CEP104: variants seen among roughly 807,000 people sequenced by gnomAD.
The protein encoded by CEP104 is centrosomal protein 104, also known as centrosomal protein of 104 kDa.
A neutral mutation model predicts 113.3 loss-of-function variants in CEP104; 84 were observed. The observed-to-expected ratio is 0.74, with a 90% CI of 0.62 to 0.89. CEP104 has a LOEUF of 0.89. Ranked by LOEUF, CEP104 falls within the 40% of genes least tolerant of loss-of-function variation. The pLI, the probability that CEP104 is intolerant of heterozygous loss-of-function variation, is 0.00. For missense variants in CEP104, 1,053 were observed against 1,156.6 expected, an observed-to-expected ratio of 0.91 and a Z score of 1.30; for synonymous variants, 378 against 421.7, an observed-to-expected ratio of 0.90 and a Z score of 1.27.
intron 4 of CEP104, among the ~76,000 whole-genome samples, chr1:3,846,284 T>C (rs542104828): frequency 6.6e-6 from 1 of 152,210 alleles, no homozygotes; most frequent in African/African-American, 2.4e-5. Context: ...GGAGTCACTT[T>C]TCCATCCTGC....
Position 3,829,823 on chromosome 1 carries a change from T to C in CEP104, c.2011A>G (p.Ile671Val), listed in dbSNP as rs1644165063. 18 of 1,614,214 alleles carry C rather than the reference T, an allele frequency of 1.1e-5. No homozygotes were observed. The highest frequency in any genetic ancestry group is 1.5e-5 in the Non-Finnish European group (18 of 1,180,030). Residue 671 changes from isoleucine (I) to valine (V), a missense_variant, in exon 14 of 22, where the codon ATA (isoleucine) becomes GTA (valine). Coordinates refer to ENST00000378230, the MANE Select transcript of CEP104 (RefSeq NM_014704.4). ...YKTIFEGFAK[I>V]DGRATDAEMR... ...TCAGCATCTGTAGCTCTGCCATCTATTTTAGCAAATCCCTCAAAAATTGTT... is the reference window on the plus strand; with the variant it reads ...TCAGCATCTGTAGCTCTGCCATCTACTTTAGCAAATCCCTCAAAAATTGTT...
rs138334002 is a variant in CEP104, at chr1:3,819,685, C to G, written c.2572-3315G>C. Among the ~76,000 whole-genome samples, 1 of 152,192 alleles carries G rather than the reference C, an allele frequency of 6.6e-6. No homozygotes were observed. The highest frequency in any genetic ancestry group is 2.4e-5 in the African/African-American group (1 of 41,454). On this transcript the variant is annotated intron_variant, in intron 20 of 21. Transcript: ENST00000378230. This position sits in a 1 kb window ranked among gnomAD's most constrained non-coding sequence, Gnocchi z 4.6. Reference sequence around the variant, plus strand: ...ACACTGGACAAAGCCCAGTGACCCACAGAAGATTGAGCAGTCTTCACACTC... The same window carrying G: ...ACACTGGACAAAGCCCAGTGACCCAGAGAAGATTGAGCAGTCTTCACACTC...
chr1:3,830,849 A>T (rs1467658170), intron 13 of CEP104, among the ~76,000 whole-genome samples, 197 bp downstream of exon 13: 1 of 151,954 alleles, frequency 6.6e-6, no homozygotes, highest in Non-Finnish European at 1.5e-5. Flanking sequence ...AGATCTGCAC[A>T]CACCATGCAC....
rs547651724 is a variant in CEP104, at chr1:3,841,360, C to T, written c.567-1584G>A. On this transcript the variant is annotated intron_variant, in intron 6 of 21. Transcript: ENST00000378230. ...CAGCACCACAGGCTGGCGGCTGGGA[C>T]GGCACCAGCAGCTCTGAACTGTGTC... is the stretch of plus-strand genomic sequence containing the variant. Among the ~76,000 whole-genome samples the T allele has an allele frequency of 4.7e-4, 72 of 152,252 alleles. 1 individual carries two copies. Among genetic ancestry groups the T allele is most frequent in the South Asian group, 2.1e-4 (1 of 4,824 alleles).
At chr1:3,852,199 G>A in intron 2 of CEP104, 96 bp downstream of exon 2, 1 of 1,216,730 alleles carries the variant, frequency 8.2e-7, no homozygotes, top group Non-Finnish European at 1.1e-6. Context: ...CCGAGTGATA[G>A]TAAAATCTGA....
rs963678057 is a variant in CEP104 at position 3,847,383 on chromosome 1, C to T, written c.426+92G>A. 1.4e-5 allele frequency: 17 copies of T among 1,237,014 alleles called. No individual in the cohort carries two copies. The East Asian group carries it at 3.3e-4, about 24-fold the overall frequency. The allele number at this position is 1,237,014 out of a possible 1,614,324, so 76.6% of individuals were successfully genotyped here. A position where few individuals can be genotyped will look rare whatever the true frequency, so the allele number is the denominator to read the frequency against. On this transcript the variant is annotated intron_variant, in intron 4 of 21. Transcript: ENST00000378230. Reference sequence around the variant, plus strand: ...GAAGAGATCCTCTCTTATAAGATCACCTTGAAAATGCATCTAAGAAAAGAT... The same window carrying T: ...GAAGAGATCCTCTCTTATAAGATCATCTTGAAAATGCATCTAAGAAAAGAT...
At chr1:3,827,079 G>A (rs1171073429) in intron 15 of CEP104, among the ~76,000 whole-genome samples, 1 of 152,196 alleles carries the variant, frequency 6.6e-6, no homozygotes, top group Non-Finnish European at 1.5e-5. Flanking sequence ...TTGAGCCTGG[G>A]AGGTGGAGGC....
intron 7 of CEP104, 149 bp from the exon 8 acceptor site, chr1:3,839,268 G>GGTCTGGCTGCTGTTGCT (rs1644371205): frequency 1.4e-6 from 1 of 723,996 alleles, no homozygotes; most frequent in Admixed American, 2.4e-5. Flanking sequence ...ACTCAGCAAA[G>GGTCTGGCTGCTGTTGCT]GTCTGGCTGC....
rs765093863 is a variant in CEP104 at position 3,847,617 on chromosome 1, A to G, written c.288-4T>C. On this transcript the variant is annotated splice_region_variant and splice_polypyrimidine_tract_variant and intron_variant, in intron 3 of 21. Coordinates refer to ENST00000378230, the MANE Select transcript of CEP104 (RefSeq NM_014704.4). ...ATTATCACAGAGAGACACGTAGCTG[A>G]AAAACAAAACACAACTGAAGAATTT... 4.3e-6 allele frequency: 7 copies of G among 1,614,024 alleles called. No homozygotes were observed. In the African/African-American group the frequency reaches 9.3e-5, roughly 22 times the overall value.
intron 17 of CEP104, among the ~76,000 whole-genome samples, chr1:3,826,123 G>A (rs1644085963): frequency 6.6e-6 from 1 of 152,144 alleles, no homozygotes; most frequent in African/African-American, 2.4e-5. Flanking sequence ...GAAATCAACG[G>A]GCGAACGATC....
rs552201626 is a variant in CEP104, at chr1:3,839,792, G to A, written c.567-16C>T. 1.9e-5 allele frequency: 30 copies of A among 1,601,052 alleles called. No homozygotes were observed. The South Asian group carries it at 3.1e-4, about 17-fold the overall frequency. ...GTCAGATTTCCTAAAGGGAAGAAAT[G>A]CATATTTTAGAGATAATTTCACGCC... On this transcript the variant is annotated splice_polypyrimidine_tract_variant and intron_variant, in intron 6 of 21. Transcript: ENST00000378230.
chr1:3,835,231 C>A, intron 10 of CEP104, 139 bp from the exon 11 acceptor site: 1 of 561,478 alleles, frequency 1.8e-6, no homozygotes, highest in Non-Finnish European at 2.8e-6. Flanking sequence ...TGATTCATTT[C>A]TAATAATAGA....
chr1:3,831,148 G>C lies in CEP104; in HGVS notation c.1734C>G (p.Asn578Lys), dbSNP rs1644199685. Residue 578 changes from asparagine (N) to lysine (K), a missense_variant, in exon 13 of 22, where the codon AAC becomes AAG. Transcript: ENST00000378230. ...GACTCATTGCCAGGTGAACTGAAGA[G>C]TTTGCTTTCAATGGCTGCACCAGGT... is the stretch of plus-strand genomic sequence containing the variant. ...PSYLVQPLKA[N>K]SSVHLAMSQM... The C allele has an allele frequency of 6.2e-7, 1 of 1,614,266 alleles. No individual in the cohort carries two copies. The highest frequency in any genetic ancestry group is 8.5e-7 in the Non-Finnish European group (1 of 1,180,044).
chr1:3,829,031 A>G (rs143002485), intron 15 of CEP104, among the ~76,000 whole-genome samples: 2 of 152,342 alleles, frequency 1.3e-5, no homozygotes, highest in African/African-American at 4.8e-5. Context: ...CCTCAGCAGC[A>G]GCTCACATCA....
Position 3,823,176 on chromosome 1 carries a change from C to T in CEP104, c.2569G>A (p.Glu857Lys), listed in dbSNP as rs111626991. The change falls in exon 20 of 22, where the codon GAG becomes AAG. Residue 857 changes from glutamate (E) to lysine (K), a missense_variant and splice_region_variant. Physicochemically the swap from Glu to Lys is moderately conservative, Grantham distance 56. Transcript: ENST00000378230. The surrounding 1 kb of genome is among the most constrained non-coding windows in gnomAD (Gnocchi z 4.1). Reference sequence around the variant, plus strand: ...TCCCTTCTCCCCAGGCCCCTCACCTCTTCTCCAGGGCTGAAGTTCTCATGA... The same window carrying T: ...TCCCTTCTCCCCAGGCCCCTCACCTTTTCTCCAGGGCTGAAGTTCTCATGA... ...LCHENFSPGE[E>K]AWKAHLMGPA... The T allele has an allele frequency of 1.5e-3, 2,366 of 1,614,152 alleles. 34 individuals carry two copies. In the African/African-American group the frequency reaches 0.027, roughly 18 times the overall value.
At position 3,812,369 on chromosome 1, in the gene CEP104, C is replaced by T. The variant is rs1643810641; in HGVS notation, c.*3033G>A. On this transcript the variant is annotated 3_prime_UTR_variant, in exon 22 of 22. Transcript: ENST00000378230. ...ATAAATATTAAATATTCAGAACATACTCATGAGTGAAAATTCAATTAATTA... is the reference window on the plus strand; with the variant it reads ...ATAAATATTAAATATTCAGAACATATTCATGAGTGAAAATTCAATTAATTA... The T allele has an allele frequency of 6.6e-6, 1 of 152,050 alleles. No homozygotes were observed. The highest frequency in any genetic ancestry group is 1.9e-4 in the East Asian group (1 of 5,200). The allele number at this position is 152,050 out of a possible 1,614,324, so 9.4% of individuals were successfully genotyped here.
At chr1:3,825,986 C>G in intron 17 of CEP104, 120 bp from the exon 18 acceptor site, 1 of 738,508 alleles carries the variant, frequency 1.4e-6, no homozygotes, top group Non-Finnish European at 2.3e-6. Flanking sequence ...TGCACTTTCC[C>G]TCTCATCTGG....
intron 1 of CEP104, among the ~76,000 whole-genome samples, chr1:3,853,400 C>CGG (rs141921756): frequency 0.013 from 1,822 of 140,136 alleles, 14 homozygotes; most frequent in Middle Eastern, 0.039. Context: ...TCTAAATCAT[C>CGG]GGGGGAAAAA....
Position 3,819,919 on chromosome 1 carries a change from C to A in CEP104, c.2571+3255G>T, listed in dbSNP as rs923298985. ...GGGGCCTCTAGGAGTTGAGTGGCTC[C>A]GGGTTGACAGCCCCCAAGAACATAT... On this transcript the variant is annotated intron_variant, in intron 20 of 21. Coordinates refer to ENST00000378230, the MANE Select transcript of CEP104 (RefSeq NM_014704.4). The surrounding 1 kb of genome is among the most constrained non-coding windows in gnomAD (Gnocchi z 4.6). Among the ~76,000 whole-genome samples, 2 of 152,098 alleles carry A rather than the reference C, an allele frequency of 1.3e-5. No individual in the cohort carries two copies. Among genetic ancestry groups the A allele is most frequent in the East Asian group, 3.8e-4 (2 of 5,196 alleles).
Sources: gnomAD v4.1 joint callset for allele counts (sites outside exome capture counted in the v4.1 genomes callset) on GRCh38, gnomAD v4.1.1 for gene constraint, Gnocchi (gnomAD v3.1) non-coding constraint, MANE v1.5 for transcripts, NCBI Gene and HGNC (gene_info 2026-07-23, HGNC 2026-07-21) for gene names.